The following UNC50 variants were observed in gnomAD, a reference collection of about 807,000 sequenced individuals.
The protein encoded by UNC50 is protein unc-50 homolog.
A neutral mutation model predicts 31.5 loss-of-function variants in UNC50; 24 were observed. The observed-to-expected ratio is 0.76, with a 90% CI of 0.55 to 1.07. UNC50 has a LOEUF of 1.07. UNC50 is among the 50% of genes least tolerant of loss of function. UNC50 has a pLI of 0.00. For synonymous variants in UNC50, 118 were observed against 114.7 expected (o/e 1.03, Z -0.18); for missense variants, 245 against 304.2 (o/e 0.81, Z 1.45).
At chr2:98,617,431 T>C (rs3769698) in intron 5 of UNC50, among the ~76,000 whole-genome samples, 39,572 of 152,082 alleles carry the variant, frequency 0.26, 5,195 homozygotes, top group Middle Eastern at 0.35. Flanking sequence ...TCATTTCTAA[T>C]GAATTTTGAA....
intron 3 of UNC50, among the ~76,000 whole-genome samples, chr2:98,613,711 G>A (rs1700876128): frequency 6.6e-6 from 1 of 152,206 alleles, no homozygotes; most frequent in Non-Finnish European, 1.5e-5. Context: ...GGCACAGAAG[G>A]GGACCAAATC....
chr2:98,609,525 A>T, intron 1 of UNC50: 1 of 615,556 alleles, frequency 1.6e-6, no homozygotes, highest in Non-Finnish European at 2.9e-6. Flanking sequence ...AAGTGTTATT[A>T]GGTGATTCAG....
At chr2:98,615,092 A>G (rs1357025388) in intron 3 of UNC50, among the ~76,000 whole-genome samples, 2 of 152,222 alleles carry the variant, frequency 1.3e-5, no homozygotes, top group African/African-American at 4.8e-5. Context: ...ACAGTGACAT[A>G]CACTTGAATA....
intron 5 of UNC50, among the ~76,000 whole-genome samples, chr2:98,617,788 C>CATCT (rs1370974383): frequency 2.0e-5 from 3 of 152,178 alleles, no homozygotes; most frequent in African/African-American, 7.2e-5. Context: ...TAACGCCATC[C>CATCT]ATCTCTGTAC....
In UNC50 at chr2:98,609,319, A is replaced by C. The variant is rs184368454; in HGVS notation, c.-4-437A>C. 755 of 198,408 alleles carry C rather than the reference A, an allele frequency of 3.8e-3. 2 individuals are homozygous for C. The highest frequency in any genetic ancestry group is 6.1e-3 in the Non-Finnish European group (580 of 95,264). 12.3% of individuals were successfully genotyped at this position (198,408 alleles called of 1,614,324 possible). A position where few individuals can be genotyped will look rare whatever the true frequency, so the allele number is the denominator to read the frequency against. On this transcript the variant is annotated intron_variant, in intron 1 of 5. Transcript: ENST00000357765. ...GCAGTGCGCTGATGGATCTGTGTGA[A>C]TAGGCCATTTATTTGACCTCTTCAG...
intron 3 of UNC50, 48 bp downstream of exon 3, chr2:98,610,943 T>C (rs779951054): frequency 6.3e-7 from 1 of 1,578,366 alleles, no homozygotes; most frequent in Non-Finnish European, 8.6e-7. Flanking sequence ...AGCATCTCCA[T>C]TTGTTTGCTT....
At chr2:98,609,474 T>C in intron 1 of UNC50, 2 of 500,902 alleles carry the variant, frequency 4.0e-6, no homozygotes, top group Non-Finnish European at 3.6e-6. Context: ...CATGGGGCAG[T>C]CACATCATCC....
chr2:98,618,123 A>ATTTATT, intron 5 of UNC50, 45 bp from the exon 6 acceptor site: 49 of 1,233,926 alleles, frequency 4.0e-5, no homozygotes, highest in Non-Finnish European at 5.2e-5. Context: ...TTAGTCATTT[A>ATTTATT]TTTTTTTTTT....
At position 98,618,310 on chromosome 2, in the gene UNC50, GAGA is replaced by G. The variant is rs756182359; in HGVS notation, c.*13_*15del. On this transcript the variant is annotated 3_prime_UTR_variant, in exon 6 of 6. Coordinates refer to ENST00000357765, the MANE Select transcript of UNC50 (RefSeq NM_014044.7). ...ATAAGTACAGAGTGAAATAAAAAGT[GAGA>G]AGAAGATTCAATCGTAACTGTGTCA... 61 of 1,587,380 alleles carry G rather than the reference GAGA, an allele frequency of 3.8e-5. No individual in the cohort carries two copies. Among genetic ancestry groups the G allele is most frequent in the East Asian group, 4.5e-5 (2 of 44,658 alleles).
chr2:98,617,777 A>G (rs1396688072), intron 5 of UNC50, among the ~76,000 whole-genome samples: 3 of 152,222 alleles, frequency 2.0e-5, no homozygotes, highest in African/African-American at 7.2e-5. Flanking sequence ...ATGTTTTCCT[A>G]TAACGCCATC....
At chr2:98,612,261 TTC>T (rs1462303542) in intron 3 of UNC50, among the ~76,000 whole-genome samples, 1 of 152,220 alleles carries the variant, frequency 6.6e-6, no homozygotes, top group African/African-American at 2.4e-5. Context: ...TCCCAGTCTC[TTC>T]TTTTACAAAA....
chr2:98,613,291 A>G (rs1700866263), intron 3 of UNC50, among the ~76,000 whole-genome samples: 1 of 152,250 alleles, frequency 6.6e-6, no homozygotes, highest in African/African-American at 2.4e-5. Context: ...TCAAAGGAAT[A>G]GTTTCATTCA....
chr2:98,611,010 C>T (rs1575228856), intron 3 of UNC50, 115 bp downstream of exon 3: 2 of 1,227,714 alleles, frequency 1.6e-6, no homozygotes, highest in East Asian at 5.2e-5. Context: ...ACTAAATGAT[C>T]AATTTTGACT....
intron 3 of UNC50, among the ~76,000 whole-genome samples, chr2:98,615,930 G>T (rs1700912238): frequency 6.6e-6 from 1 of 151,928 alleles, no homozygotes; most frequent in African/African-American, 2.4e-5. Context: ...ACTATCCTTG[G>T]GTCTTTACCC....
intron 5 of UNC50, 89 bp downstream of exon 5, chr2:98,616,622 C>A (rs1700926801): frequency 4.5e-6 from 4 of 892,352 alleles, no homozygotes; most frequent in Admixed American, 4.1e-5. Flanking sequence ...TTTTATGGAA[C>A]ACTTACAGGC....
chr2:98,615,303 C>G (rs776263439), intron 3 of UNC50, among the ~76,000 whole-genome samples: 3 of 152,200 alleles, frequency 2.0e-5, no homozygotes, highest in African/African-American at 4.8e-5. Flanking sequence ...CCAGTTTGGA[C>G]TTGTCTTCTA....
chr2:98,609,542 G>A, intron 1 of UNC50: 1 of 659,842 alleles, frequency 1.5e-6, no homozygotes, highest in Non-Finnish European at 2.6e-6. Context: ...TCAGAAGGGT[G>A]GGCTGTTGCC....
intron 5 of UNC50, among the ~76,000 whole-genome samples, chr2:98,617,663 A>AAG (rs1202663074): frequency 6.6e-6 from 1 of 152,182 alleles, no homozygotes; most frequent in African/African-American, 2.4e-5. Context: ...TTTTATATTT[A>AAG]AGAGTTTCAG....
At chr2:98,612,442 C>T (rs550601074) in intron 3 of UNC50, among the ~76,000 whole-genome samples, 6 of 151,662 alleles carry the variant, frequency 4.0e-5, no homozygotes, top group Admixed American at 6.6e-5. Context: ...CGAAGTCCCA[C>T]TCTGTCACCC....
Sources: gnomAD v4.1 joint callset for allele counts (sites outside exome capture counted in the v4.1 genomes callset) on GRCh38, gnomAD v4.1.1 for gene constraint, MANE v1.5 for transcripts, NCBI Gene and HGNC (gene_info 2026-07-23, HGNC 2026-07-21) for gene names.